RIMS1: variants seen among roughly 807,000 people sequenced by gnomAD.
RIMS1 encodes regulating synaptic membrane exocytosis 1.
In RIMS1, 83 loss-of-function variants were observed where a neutral mutation model predicts 214.1. The ratio of observed to expected loss-of-function variants is 0.39; its 90% CI spans 0.32 to 0.47. The LOEUF is 0.47. Ranked by LOEUF, RIMS1 falls within the 20% of genes least tolerant of loss-of-function variation. The probability of loss-of-function intolerance (pLI) is 0.99; values close to 1 mark genes in which losing one functional copy is unlikely to be tolerated. For missense variants in RIMS1, 2,050 were observed against 2,161.8 expected (o/e 0.95, Z 1.03); for synonymous variants, 793 against 786.8 (o/e 1.01, Z -0.13).
At chr6:72,121,993 G>A (rs1463141643) in intron 4 of RIMS1, among the ~76,000 whole-genome samples, 1 of 151,846 alleles carries the variant, frequency 6.6e-6, no homozygotes, top group East Asian at 1.9e-4. Flanking sequence ...TTGCATCCCA[G>A]GGATGAAGCC....
At chr6:72,095,524 G>C (rs1244791249) in intron 2 of RIMS1, among the ~76,000 whole-genome samples, 1 of 152,170 alleles carries the variant, frequency 6.6e-6, no homozygotes, top group Non-Finnish European at 1.5e-5. Context: ...AAATATTTCA[G>C]ATCCTAAACT....
chr6:72,218,963 GAT>G (rs1230374393), intron 6 of RIMS1, among the ~76,000 whole-genome samples: 1 of 152,152 alleles, frequency 6.6e-6, no homozygotes, highest in Non-Finnish European at 1.5e-5. Context: ...TAGTTAGGAA[GAT>G]CTTCAAGGAG....
chr6:72,346,698 G>GT (rs1487879155), intron 29 of RIMS1, among the ~76,000 whole-genome samples: 2 of 151,454 alleles, frequency 1.3e-5, no homozygotes, highest in Admixed American at 1.3e-4. Context: ...ATATTTTTAT[G>GT]TTTTTTAAAT....
At chr6:72,278,201 A>G (rs2087801297) in intron 23 of RIMS1, among the ~76,000 whole-genome samples, 1 of 151,742 alleles carries the variant, frequency 6.6e-6, no homozygotes, top group Non-Finnish European at 1.5e-5. Flanking sequence ...CTATCTATAT[A>G]TGATTTTTAA....
rs541143544 is a variant in RIMS1, at chr6:72,025,915, T to C, written c.245+56852T>C. Among the ~76,000 whole-genome samples the C allele has an allele frequency of 1.2e-4, 18 of 152,310 alleles. No homozygotes were observed. In the South Asian group the frequency reaches 3.3e-3, roughly 28 times the overall value. ...ACTGGCAACTTGGTGCTAGAAAAGG[T>C]CATCCTTCTACAGATGGATCTCTCC... On this transcript the variant is annotated intron_variant, in intron 2 of 33. Transcript: ENST00000521978.
chr6:72,250,469 T>C lies in RIMS1; in HGVS notation c.2372+9T>C, dbSNP rs1307382580. 10 of 1,536,078 alleles carry C rather than the reference T, an allele frequency of 6.5e-6. No homozygotes were observed. Among genetic ancestry groups the C allele is most frequent in the African/African-American group, 1.4e-5 (1 of 72,078 alleles). ...TTTCTTCCAGATAGAAGGTAGTGAATAATTTTAGAAAAAAAAAATCTTAAA... is the reference window on the plus strand; with the variant it reads ...TTTCTTCCAGATAGAAGGTAGTGAACAATTTTAGAAAAAAAAAATCTTAAA... On this transcript the variant is annotated intron_variant, in intron 13 of 33. Transcript: ENST00000521978.
rs79082975 is a variant in RIMS1, at chr6:72,068,470, G to A, written c.246-28479G>A. Among the ~76,000 whole-genome samples, 689 of 152,320 alleles carry A rather than the reference G, an allele frequency of 4.5e-3. 5 individuals are homozygous for A. The highest frequency in any genetic ancestry group is 0.016 in the African/African-American group (666 of 41,572). On this transcript the variant is annotated intron_variant, in intron 2 of 33. Coordinates refer to ENST00000521978, the MANE Select transcript of RIMS1 (RefSeq NM_014989.7). ...TCCTCAAAGGCAGAAAAGAGGTGAG[G>A]AAGAGAAAGCAGGTAACAATAAAGC...
In RIMS1 at chr6:72,250,852, T is replaced by A. The variant is rs1206631947; in HGVS notation, c.2373-69T>A. 5 of 822,312 alleles carry A rather than the reference T, an allele frequency of 6.1e-6. No homozygotes were observed. The East Asian group carries it at 1.1e-4, about 18-fold the overall frequency. The allele number at this position is 822,312 out of a possible 1,614,324, so 50.9% of individuals were successfully genotyped here. A position where few individuals can be genotyped will look rare whatever the true frequency, so the allele number is the denominator to read the frequency against. On this transcript the variant is annotated intron_variant, in intron 13 of 33. Coordinates refer to ENST00000521978, the MANE Select transcript of RIMS1 (RefSeq NM_014989.7). ...AATAATATAAATATCAATGGCAGTT[T>A]TACATGTAACTACAGTAGATGGCAG...
At chr6:72,071,119 C>T (rs900584032) in intron 2 of RIMS1, among the ~76,000 whole-genome samples, 10 of 152,122 alleles carry the variant, frequency 6.6e-5, no homozygotes, top group Non-Finnish European at 1.5e-4. Flanking sequence ...GAAATAGGCT[C>T]AGCACAGTGG....
chr6:72,315,015 G>T (rs1259686551), intron 28 of RIMS1, among the ~76,000 whole-genome samples: 1 of 152,080 alleles, frequency 6.6e-6, no homozygotes, highest in Non-Finnish European at 1.5e-5. Flanking sequence ...TCAGAAGTAG[G>T]ATTCTTCAAA....
intron 1 of RIMS1, among the ~76,000 whole-genome samples, chr6:71,937,138 C>T (rs1349854873): frequency 6.6e-6 from 1 of 152,206 alleles, no homozygotes; most frequent in African/African-American, 2.4e-5. Flanking sequence ...CAGAGTCAAA[C>T]TAATGGGGAA....
intron 2 of RIMS1, among the ~76,000 whole-genome samples, chr6:72,048,835 G>A (rs983671482): frequency 2.6e-5 from 4 of 152,222 alleles, no homozygotes; most frequent in African/African-American, 7.2e-5. Flanking sequence ...GGGGTGGACT[G>A]CAGTCTGTAT....
chr6:72,100,478 C>G (rs1017980985), intron 4 of RIMS1, among the ~76,000 whole-genome samples: 1 of 151,900 alleles, frequency 6.6e-6, no homozygotes, highest in Non-Finnish European at 1.5e-5. Flanking sequence ...CACATTTTGC[C>G]TTTTTCTTCT....
intron 1 of RIMS1, among the ~76,000 whole-genome samples, chr6:71,962,979 T>C (rs1054844754): frequency 2.6e-5 from 4 of 152,176 alleles, no homozygotes; most frequent in Non-Finnish European, 5.9e-5. Context: ...GATGTCACCA[T>C]TGTTCTGCTT....
intron 2 of RIMS1, among the ~76,000 whole-genome samples, chr6:72,066,704 C>T (rs369469791): frequency 2.6e-5 from 4 of 152,102 alleles, no homozygotes; most frequent in Middle Eastern, 3.2e-3. Context: ...ACCACTTTCC[C>T]GAGGTCCCAA....
intron 1 of RIMS1, among the ~76,000 whole-genome samples, chr6:71,948,845 GT>G (rs1788626711): frequency 6.6e-6 from 1 of 152,138 alleles, no homozygotes; most frequent in Admixed American, 6.5e-5. Context: ...CCCTGGGGAA[GT>G]GTAAAGATTC....
chr6:71,986,602 T>C (rs1414567596), intron 2 of RIMS1, among the ~76,000 whole-genome samples: 2 of 152,248 alleles, frequency 1.3e-5, no homozygotes, highest in Non-Finnish European at 2.9e-5. Context: ...CTCTGAAGTT[T>C]CTTATTTGGG....
chr6:72,375,628 T>C (rs1043279422), intron 29 of RIMS1, among the ~76,000 whole-genome samples: 5 of 152,204 alleles, frequency 3.3e-5, no homozygotes, highest in Admixed American at 6.5e-5. Flanking sequence ...TGAGTAGTTA[T>C]TGCTTTTCAC....
At chr6:72,316,848 G>T in intron 28 of RIMS1, 1 of 1,008,916 alleles carries the variant, frequency 9.9e-7, no homozygotes, top group Non-Finnish European at 1.6e-6. Flanking sequence ...AGTGTAGATA[G>T]GCAAGTAGGA....
Sources: allele counts gnomAD v4.1 joint callset (sites outside exome capture counted in the v4.1 genomes callset), GRCh38; gene constraint gnomAD v4.1.1; transcripts MANE v1.5; gene names NCBI Gene and HGNC (gene_info 2026-07-23, HGNC 2026-07-21).